Variants in FAM227B observed in about 807,000 individuals in gnomAD.
The protein encoded by FAM227B is protein FAM227B.
In FAM227B, 88 loss-of-function variants were observed where a neutral mutation model predicts 73.8. The observed-to-expected ratio is 1.19, with a 90% confidence interval of 1.00 to 1.42. FAM227B has a LOEUF of 1.42. Among genes scored for constraint, FAM227B ranks in the 40% most tolerant of loss-of-function variants. The probability of loss-of-function intolerance (pLI) is 0.00; values close to 1 mark genes in which losing one functional copy is unlikely to be tolerated. For missense variants in FAM227B, 632 were observed against 590.9 expected, an observed-to-expected ratio of 1.07 and a Z score of -0.72; for synonymous variants, 210 against 190.5, an observed-to-expected ratio of 1.10 and a Z score of -0.84.
chr15:49,439,339 T>C lies in FAM227B; in HGVS notation c.1013-67940A>G, dbSNP rs553494889. On this transcript the variant is annotated intron_variant, in intron 11 of 15. Coordinates refer to ENST00000299338, the MANE Select transcript of FAM227B (RefSeq NM_152647.3). ...GAAAGGGAGGCAGAGAGAGAGAGAA[T>C]CTTTAAGATGGAAATTGCAGTGTGA... Among the ~76,000 whole-genome samples, 6 of 151,482 alleles carry C rather than the reference T, an allele frequency of 4.0e-5. No homozygotes were observed. The South Asian group carries it at 1.0e-3, about 26-fold the overall frequency.
chr15:49,401,444 G>A (rs1342688582), intron 11 of FAM227B, among the ~76,000 whole-genome samples: 2 of 151,918 alleles, frequency 1.3e-5, no homozygotes, highest in Admixed American at 6.6e-5. Context: ...TCAGTGTGGC[G>A]ATTCCTCAGG....
At chr15:49,525,709 T>C (rs1196731887) in intron 10 of FAM227B, among the ~76,000 whole-genome samples, 1 of 80,204 alleles carries the variant, frequency 1.2e-5, no homozygotes, top group African/African-American at 4.0e-5. Flanking sequence ...TATATATATA[T>C]ATATATATAT....
intron 5 of FAM227B, among the ~76,000 whole-genome samples, chr15:49,585,197 G>A (rs1432503566): frequency 2.6e-5 from 4 of 152,078 alleles, no homozygotes; most frequent in African/African-American, 4.8e-5. Flanking sequence ...AACAACAGGT[G>A]CTGGAGAGGA....
intron 10 of FAM227B, among the ~76,000 whole-genome samples, chr15:49,515,497 T>C (rs1375691766): frequency 1.3e-5 from 2 of 152,196 alleles, no homozygotes; most frequent in Non-Finnish European, 2.9e-5. Flanking sequence ...GTGTTTTCTT[T>C]TTCTATGGCT....
At chr15:49,461,549 T>A (rs531973519) in intron 11 of FAM227B, among the ~76,000 whole-genome samples, 31 of 152,306 alleles carry the variant, frequency 2.0e-4, no homozygotes, top group African/African-American at 7.0e-4. Flanking sequence ...CTTGTCTATC[T>A]CTTTGAAAGA....
intron 11 of FAM227B, among the ~76,000 whole-genome samples, chr15:49,395,595 T>C (rs1479823733): frequency 6.6e-6 from 1 of 152,202 alleles, no homozygotes; most frequent in African/African-American, 2.4e-5. Context: ...CAGGCAGTTA[T>C]AAAAATTTAA....
chr15:49,536,869 A>G (rs1482461078), intron 10 of FAM227B, among the ~76,000 whole-genome samples: 1 of 151,984 alleles, frequency 6.6e-6, no homozygotes, highest in Non-Finnish European at 1.5e-5. Context: ...TCTGCATGCA[A>G]AAGGATGAAA....
chr15:49,376,583 A>G (rs1039238137), intron 11 of FAM227B, among the ~76,000 whole-genome samples: 7 of 152,060 alleles, frequency 4.6e-5, no homozygotes, highest in Non-Finnish European at 1.0e-4. Context: ...TCCTTTCTCA[A>G]CAGTGATTTG....
intron 9 of FAM227B, among the ~76,000 whole-genome samples, chr15:49,558,468 C>T (rs954084217): frequency 6.6e-6 from 1 of 152,190 alleles, no homozygotes; most frequent in Non-Finnish European, 1.5e-5. Context: ...GGATCTTCCC[C>T]TCCTCAGTGA....
chr15:49,437,728 G>A (rs4316697), intron 11 of FAM227B, among the ~76,000 whole-genome samples: 47,109 of 151,386 alleles, frequency 0.31, 7,742 homozygotes, highest in East Asian at 0.51. Flanking sequence ...CATATATTAC[G>A]TATTATGTAC....
At chr15:49,334,028 A>G (rs1212366025) in intron 14 of FAM227B, among the ~76,000 whole-genome samples, 1 of 152,222 alleles carries the variant, frequency 6.6e-6, no homozygotes, top group Admixed American at 6.6e-5. Flanking sequence ...CTATGGCTGG[A>G]GAGTAAAAAT....
At chr15:49,569,908 C>A (rs1364055084) in intron 8 of FAM227B, among the ~76,000 whole-genome samples, 1 of 151,982 alleles carries the variant, frequency 6.6e-6, no homozygotes, top group Non-Finnish European at 1.5e-5. Flanking sequence ...TTCCACTTAG[C>A]AAAATGTTCT....
rs1444592405 is a variant in FAM227B, at chr15:49,542,725, T to A, written c.748-919A>T. ...TTTTATATATAAATATATATATATA[T>A]AATTAAAACTAGTTATACATTTATT... On this transcript the variant is annotated intron_variant, in intron 9 of 15. Coordinates refer to ENST00000299338, the MANE Select transcript of FAM227B (RefSeq NM_152647.3). Among the ~76,000 whole-genome samples, 8 of 149,380 alleles carry A rather than the reference T, an allele frequency of 5.4e-5. No homozygotes were observed. The South Asian group carries it at 1.3e-3, about 23-fold the overall frequency.
chr15:49,573,056 T>C (rs1211773369), intron 8 of FAM227B, among the ~76,000 whole-genome samples: 1 of 151,978 alleles, frequency 6.6e-6, no homozygotes, highest in Non-Finnish European at 1.5e-5. Context: ...TTCTCTTTTT[T>C]CTAATGCAGG....
Position 49,620,456 on chromosome 15 carries a change from CAT to C in FAM227B, c.-73+242_-73+243del, listed in dbSNP as rs1045838877. 2.8e-4 allele frequency among the ~76,000 whole-genome samples: 42 copies of C among 152,190 alleles called. 1 individual carries two copies. The highest frequency in any genetic ancestry group is 9.9e-4 in the African/African-American group (41 of 41,448). On this transcript the variant is annotated intron_variant, in intron 1 of 15. Transcript: ENST00000299338. ...GACAAATGTTCTAATAACTTATCCA[CAT>C]ATTATACTTCAAAGTGGAAAAACAC...
At chr15:49,371,829 TTATA>T (rs1266819770) in intron 11 of FAM227B, among the ~76,000 whole-genome samples, 63 of 144,898 alleles carry the variant, frequency 4.3e-4, no homozygotes, top group African/African-American at 1.5e-3. Flanking sequence ...TAAAATTCAC[TTATA>T]AATAAATGAA....
At chr15:49,357,866 G>T (rs900053452) in intron 13 of FAM227B, among the ~76,000 whole-genome samples, 8 of 151,932 alleles carry the variant, frequency 5.3e-5, no homozygotes, top group African/African-American at 1.7e-4. Context: ...AAATCCAGCA[G>T]CCCATCAAAA....
chr15:49,343,294 TC>T (rs1024894223), intron 13 of FAM227B, among the ~76,000 whole-genome samples: 37 of 152,166 alleles, frequency 2.4e-4, no homozygotes, highest in African/African-American at 8.4e-4. Flanking sequence ...TGAGGTTTTT[TC>T]TTCTGCTTGG....
At chr15:49,552,295 ATATATCATTCCATTCTCT>A (rs2073125585) in intron 9 of FAM227B, among the ~76,000 whole-genome samples, 1 of 152,166 alleles carries the variant, frequency 6.6e-6, no homozygotes, top group Non-Finnish European at 1.5e-5. Context: ...AGCACTTTAA[ATATATCATTCCATTCTCT>A]TCTGGCCTAT....
Sources: allele counts gnomAD v4.1 joint callset (sites outside exome capture counted in the v4.1 genomes callset), GRCh38; gene constraint gnomAD v4.1.1; transcripts MANE v1.5; gene names NCBI Gene and HGNC (gene_info 2026-07-23, HGNC 2026-07-21).